Variants in FARP1 observed in about 807,000 individuals in gnomAD.
FARP1 encodes FERM, ARHGEF and pleckstrin domain-containing protein 1.
A neutral mutation model predicts 128.8 loss-of-function variants in FARP1; 52 were observed. The observed-to-expected ratio is 0.40, with a 90% CI of 0.32 to 0.51. The LOEUF is 0.51. Ranked by LOEUF, FARP1 falls within the 20% of genes least tolerant of loss-of-function variation. The pLI, the probability that FARP1 is intolerant of heterozygous loss-of-function variation, is 0.45. For missense variants in FARP1, 1,333 were observed against 1,367.9 expected (o/e 0.97, Z 0.40); for synonymous variants, 580 against 551.8 (o/e 1.05, Z -0.72).
intron 13 of FARP1, chr13:98,401,716 A>G (rs1446741519): frequency 1.3e-5 from 2 of 152,048 alleles, no homozygotes; most frequent in Non-Finnish European, 2.9e-5. Context: ...AAAAAAGATG[A>G]AACCTCAAGC....
At chr13:98,229,247 G>A (rs960646085) in intron 2 of FARP1, among the ~76,000 whole-genome samples, 4 of 152,146 alleles carry the variant, frequency 2.6e-5, no homozygotes, top group Non-Finnish European at 4.4e-5. Flanking sequence ...TGAAGATGAA[G>A]ATAGAACACA....
intron 2 of FARP1, among the ~76,000 whole-genome samples, chr13:98,303,243 GA>G (rs1361602945): frequency 6.6e-6 from 1 of 152,196 alleles, no homozygotes; most frequent in Non-Finnish European, 1.5e-5. Flanking sequence ...AGTGGGAACA[GA>G]AATTGACTGC....
intron 13 of FARP1, chr13:98,406,558 A>G (rs983482585): frequency 6.7e-6 from 1 of 150,036 alleles, no homozygotes; most frequent in African/African-American, 2.5e-5. Flanking sequence ...TTGTCGTTCC[A>G]AGTCTGCAGA....
chr13:98,379,823 T>G (rs1409212964), intron 6 of FARP1, among the ~76,000 whole-genome samples: 3 of 152,158 alleles, frequency 2.0e-5, no homozygotes, highest in Non-Finnish European at 4.4e-5. Flanking sequence ...GATGCAGTAT[T>G]TTTTCCTAAG....
intron 2 of FARP1, among the ~76,000 whole-genome samples, chr13:98,260,272 A>G (rs1375508683): frequency 6.6e-6 from 1 of 152,164 alleles, no homozygotes; most frequent in East Asian, 1.9e-4. Context: ...GTATTTAGTA[A>G]CCCATTGCTC....
At position 98,448,708 on chromosome 13, in the gene FARP1, C is replaced by T. The variant is rs1313686101; in HGVS notation, c.*391C>T. 1 of 165,930 alleles carries T rather than the reference C, an allele frequency of 6.0e-6. No individual in the cohort carries two copies. The highest frequency in any genetic ancestry group is 2.4e-5 in the African/African-American group (1 of 41,394). 10.3% of individuals were successfully genotyped at this position (165,930 alleles called of 1,614,324 possible). On this transcript the variant is annotated 3_prime_UTR_variant, in exon 27 of 27. Coordinates refer to ENST00000319562, the MANE Select transcript of FARP1 (RefSeq NM_005766.4). ...TTCTTTTATTATTTTCACCTATTGG[C>T]TGCTGCATTTTACGAAGTGGACTTC...
rs575579357 is a variant in FARP1 at position 98,148,469 on chromosome 13, G to C, written c.-24+4977G>C. 8.5e-5 allele frequency among the ~76,000 whole-genome samples: 13 copies of C among 152,298 alleles called. No homozygotes were observed. In the South Asian group the frequency reaches 2.7e-3, roughly 32 times the overall value. Reference sequence around the variant, plus strand: ...TTACTGACTCCTACCTTAGCATTTTGGGATCTGTTCTTTTATATAGCCTTC... The same window carrying C: ...TTACTGACTCCTACCTTAGCATTTTCGGATCTGTTCTTTTATATAGCCTTC... On this transcript the variant is annotated intron_variant, in intron 1 of 26. Coordinates refer to ENST00000319562, the MANE Select transcript of FARP1 (RefSeq NM_005766.4).
At chr13:98,394,990 C>T (rs1189021833) in intron 12 of FARP1, among the ~76,000 whole-genome samples, 1 of 152,112 alleles carries the variant, frequency 6.6e-6, no homozygotes, top group Non-Finnish European at 1.5e-5. Context: ...AAGCAGAGAC[C>T]GGGCCGGGCT....
In FARP1 at chr13:98,395,320, G is replaced by T. The variant is rs541677119; in HGVS notation, c.1258G>T (p.Gly420Trp). Reference sequence around the variant, plus strand: ...AGGAAAGGAACCGAAGGTTTCCGCCGGGGAGCCGGGGTCGCACCCGAGCCC... The same window carrying T: ...AGGAAAGGAACCGAAGGTTTCCGCCTGGGAGCCGGGGTCGCACCCGAGCCC... ...RRGKEPKVSA[G>W]EPGSHPSPAP... The change falls in exon 13 of 27, where the codon GGG becomes TGG. Residue 420 changes from glycine to tryptophan, a missense_variant. By Grantham distance (184) the Gly-to-Trp change is radical. Coordinates refer to ENST00000319562, the MANE Select transcript of FARP1 (RefSeq NM_005766.4). 6.2e-7 allele frequency: 1 copy of T among 1,610,342 alleles called. No individual in the cohort carries two copies. The highest frequency in any genetic ancestry group is 1.7e-5 in the Admixed American group (1 of 59,944).
Position 98,211,465 on chromosome 13 carries a change from T to G in FARP1, c.-23-1755T>G, listed in dbSNP as rs1209088501. The stretch of plus-strand genomic sequence containing the variant: ...CTACTTTGTCTGTGGAAAAACTGTC[T>G]TCCACAAAACAAGTCCCTGGTGCCA... On this transcript the variant is annotated intron_variant, in intron 1 of 26. Transcript: ENST00000319562. Among the ~76,000 whole-genome samples the G allele has an allele frequency of 2.0e-5, 3 of 152,236 alleles. No individual in the cohort carries two copies. In the East Asian group the frequency reaches 5.8e-4, roughly 29 times the overall value.
intron 2 of FARP1, among the ~76,000 whole-genome samples, chr13:98,326,516 A>G (rs77605307): frequency 0.15 from 23,261 of 152,136 alleles, 2,347 homozygotes; most frequent in Non-Finnish European, 0.23. Context: ...GTTTCTGCGA[A>G]TCTGTTGCCT....
At chr13:98,437,829 C>G (rs1182360692) in intron 19 of FARP1, 1 of 1,597,516 alleles carries the variant, frequency 6.3e-7, no homozygotes, top group South Asian at 1.1e-5. Context: ...CCCATGTGCT[C>G]CAGAGAGGAG....
chr13:98,246,996 T>C (rs1186892634), intron 2 of FARP1, among the ~76,000 whole-genome samples: 1 of 152,138 alleles, frequency 6.6e-6, no homozygotes, highest in Non-Finnish European at 1.5e-5. Context: ...GAGGCCAAGG[T>C]GGACGGATCA....
chr13:98,246,718 C>T (rs965643769), intron 2 of FARP1, among the ~76,000 whole-genome samples: 5 of 152,154 alleles, frequency 3.3e-5, no homozygotes, highest in African/African-American at 9.7e-5. Context: ...TAACCAGGTA[C>T]TTACACCACA....
intron 2 of FARP1, among the ~76,000 whole-genome samples, chr13:98,324,028 A>G (rs1887121416): frequency 6.6e-6 from 1 of 152,226 alleles, no homozygotes. Flanking sequence ...TTGCACATGA[A>G]GGATTTTATT....
intron 2 of FARP1, among the ~76,000 whole-genome samples, chr13:98,277,004 T>G (rs1411725113): frequency 6.6e-6 from 1 of 152,224 alleles, no homozygotes; most frequent in Middle Eastern, 3.2e-3. Context: ...TATGAAAATG[T>G]CAACATTTCA....
At chr13:98,280,144 A>G (rs1318750755) in intron 2 of FARP1, among the ~76,000 whole-genome samples, 1 of 152,058 alleles carries the variant, frequency 6.6e-6, no homozygotes, top group Non-Finnish European at 1.5e-5. Context: ...TATTCTTTTG[A>G]GGAAATCCTT....
chr13:98,394,539 C>T lies in FARP1; in HGVS notation c.1165-688C>T, dbSNP rs1011145794. 4.6e-5 allele frequency among the ~76,000 whole-genome samples: 7 copies of T among 152,268 alleles called. 1 individual carries two copies. Among genetic ancestry groups the T allele is most frequent in the South Asian group, 2.1e-4 (1 of 4,818 alleles). ...AACATGAGCAGGACGTGGTGGCTGG[C>T]GCCTGTAATCCCAGCACTTTGGGAG... On this transcript the variant is annotated intron_variant, in intron 12 of 26. Coordinates refer to ENST00000319562, the MANE Select transcript of FARP1 (RefSeq NM_005766.4).
At chr13:98,409,855 T>C (rs1018567431) in intron 14 of FARP1, among the ~76,000 whole-genome samples, 3 of 152,226 alleles carry the variant, frequency 2.0e-5, no homozygotes, top group African/African-American at 7.2e-5. Flanking sequence ...TCACCCAGTA[T>C]TTGCCATTTT....
Sources: allele counts gnomAD v4.1 joint callset (sites outside exome capture counted in the v4.1 genomes callset), GRCh38; gene constraint gnomAD v4.1.1; transcripts MANE v1.5; gene names NCBI Gene and HGNC (gene_info 2026-07-23, HGNC 2026-07-21).